ACER1: variants seen among roughly 807,000 people sequenced by gnomAD.
ACER1 encodes alkaline ceramidase 1, also known as CTB-180A7.3.
Under a neutral mutation model 24.9 loss-of-function variants are expected in ACER1, and 28 were observed. The observed-to-expected ratio is 1.13, with a 90% CI of 0.83 to 1.54. ACER1 has a LOEUF of 1.54. Among genes scored for constraint, ACER1 ranks in the 40% most tolerant of loss-of-function variants. ACER1 has a pLI of 0.00. For synonymous variants in ACER1, 132 were observed against 131.4 expected (o/e 1.00, Z -0.03); for missense variants, 352 against 349.3 (o/e 1.01, Z -0.06).
chr19:6,311,637 A>G (rs12608582), intron 3 of ACER1, among the ~76,000 whole-genome samples: 7 of 148,256 alleles, frequency 4.7e-5, no homozygotes, highest in Admixed American at 2.0e-4. Context: ...GGAGGAGAAG[A>G]AGAAGAAGAA....
At chr19:6,312,811 G>A (rs1203552322) in intron 1 of ACER1, among the ~76,000 whole-genome samples, 2 of 151,906 alleles carry the variant, frequency 1.3e-5, no homozygotes, top group African/African-American at 4.8e-5. Context: ...GAGTAGCTGG[G>A]ATTAAAGGCA....
the ACER1 span, among the ~76,000 whole-genome samples, chr19:6,358,328 G>T: frequency 6.6e-6 from 1 of 152,078 alleles, no homozygotes; most frequent in African/African-American, 2.4e-5. Flanking sequence ...GGACCTGCAA[G>T]GTATTCTCCT....
chr19:6,344,467 T>A, the ACER1 span, among the ~76,000 whole-genome samples: 10 of 151,886 alleles, frequency 6.6e-5, no homozygotes, highest in African/African-American at 2.4e-4. Flanking sequence ...TTTATTTATT[T>A]ATTAAATAAA....
chr19:6,308,482 T>C lies in ACER1; in HGVS notation c.489-1192A>G, dbSNP rs533285474. Among the ~76,000 whole-genome samples the C allele has an allele frequency of 7.9e-5, 12 of 151,710 alleles. No individual in the cohort carries two copies. In the East Asian group the frequency reaches 2.1e-3, roughly 27 times the overall value. ...ATATTAACTCAGTCCTCACAAGGAC[T>C]TTGTAGAGGAGTAAATTGAGGCACA... is the stretch of plus-strand genomic sequence containing the variant. On this transcript the variant is annotated intron_variant, in intron 4 of 5. Coordinates refer to ENST00000301452, the MANE Select transcript of ACER1 (RefSeq NM_133492.3).
chr19:6,310,111 G>A (rs887752718), intron 3 of ACER1, among the ~76,000 whole-genome samples: 5 of 151,000 alleles, frequency 3.3e-5, no homozygotes, highest in Non-Finnish European at 5.9e-5. Flanking sequence ...TTTTTGAGAC[G>A]GAGTCTCGCT....
intron 1 of ACER1, among the ~76,000 whole-genome samples, chr19:6,315,649 G>C (rs1369404333): frequency 1.3e-5 from 2 of 152,098 alleles, no homozygotes; most frequent in Non-Finnish European, 2.9e-5. Flanking sequence ...AAAGTGCTGG[G>C]ATTACAGGCT....
chr19:6,330,123 G>A (rs892451663), intron 1 of ACER1, among the ~76,000 whole-genome samples: 7 of 150,006 alleles, frequency 4.7e-5, no homozygotes, highest in African/African-American at 1.7e-4. Flanking sequence ...TGCCCGCCTC[G>A]GCCTCCCAAA....
intron 1 of ACER1, among the ~76,000 whole-genome samples, chr19:6,324,958 G>C (rs1419245858): frequency 6.6e-6 from 1 of 151,932 alleles, no homozygotes; most frequent in Non-Finnish European, 1.5e-5. Context: ...CCAGAAGAAG[G>C]CTGCACCTGG....
the ACER1 span, among the ~76,000 whole-genome samples, chr19:6,345,668 G>A: frequency 2.0e-5 from 3 of 150,950 alleles, no homozygotes; most frequent in East Asian, 1.9e-4. Flanking sequence ...GGGTTCAAGC[G>A]ATTCTCTTGC....
chr19:6,359,656 A>G, the ACER1 span, among the ~76,000 whole-genome samples: 1 of 152,244 alleles, frequency 6.6e-6, no homozygotes, highest in African/African-American at 2.4e-5. Context: ...GCCCCGGGAA[A>G]AAAAAGAAAA....
rs559869838 is a variant in ACER1 at position 6,317,472 on chromosome 19, G to A, written c.94-4973C>T. 9.6e-4 allele frequency among the ~76,000 whole-genome samples: 146 copies of A among 152,310 alleles called. 3 individuals carry two copies. The highest frequency in any genetic ancestry group is 3.2e-3 in the African/African-American group (131 of 41,566). ...TCCATGCGCCTCTTCTCAGCCCGTG[G>A]CCCTAGTTCAGTTGCCTCCATTTGT... On this transcript the variant is annotated intron_variant, in intron 1 of 5. Transcript: ENST00000301452.
intron 1 of ACER1, among the ~76,000 whole-genome samples, chr19:6,320,145 T>TAC (rs2091623000): frequency 6.7e-6 from 1 of 149,510 alleles, no homozygotes; most frequent in Admixed American, 6.7e-5. Flanking sequence ...GTTTGTTGAA[T>TAC]ACATCTCCAA....
chr19:6,315,137 C>A (rs1215942703), intron 1 of ACER1, among the ~76,000 whole-genome samples: 1 of 151,948 alleles, frequency 6.6e-6, no homozygotes, highest in Non-Finnish European at 1.5e-5. Flanking sequence ...CCCGCCTCGG[C>A]CTCCCAAAGT....
chr19:6,310,893 A>G (rs1218957821), intron 3 of ACER1, among the ~76,000 whole-genome samples: 1 of 145,244 alleles, frequency 6.9e-6, no homozygotes, highest in Non-Finnish European at 1.5e-5. Flanking sequence ...AAAAAAAAAA[A>G]GAAGAAGGAG....
At position 6,306,753 on chromosome 19, in the gene ACER1, C is replaced by T. The variant is rs747092666; in HGVS notation, c.756G>A (p.Leu252=). ...YWPRDSWPVG[L]PYVEIRGDDK... is the part of the protein sequence containing the mutation. ...CATCACCCCGGATTTCCACGTAGGG[C>T]AGCCCCACGGGCCAACTGTCCCGAG... Residue 252 remains leucine (L), a synonymous_variant, in exon 6 of 6, where the codon CTG becomes CTA. Transcript: ENST00000301452. 5.0e-6 allele frequency: 8 copies of T among 1,613,496 alleles called. No homozygotes were observed. The Admixed American group carries it at 8.3e-5, about 17-fold the overall frequency.
chr19:6,349,328 AAGAG>A, the ACER1 span, among the ~76,000 whole-genome samples: 23 of 149,634 alleles, frequency 1.5e-4, no homozygotes, highest in African/African-American at 4.9e-4. Context: ...AAAAGAAAGA[AAGAG>A]AGAGAGAGAA....
intron 1 of ACER1, among the ~76,000 whole-genome samples, chr19:6,326,675 C>T (rs978002490): frequency 6.6e-6 from 1 of 152,014 alleles, no homozygotes; most frequent in Non-Finnish European, 1.5e-5. Context: ...TCAAGCTAAC[C>T]ATGGGGCTGA....
chr19:6,350,565 C>T, the ACER1 span, among the ~76,000 whole-genome samples: 1 of 93,768 alleles, frequency 1.1e-5, no homozygotes, highest in African/African-American at 8.4e-5. Flanking sequence ...AGCAAGACTC[C>T]GTCTCAAGAA....
chr19:6,333,010 A>C (rs1250620259), intron 1 of ACER1, among the ~76,000 whole-genome samples: 1 of 152,098 alleles, frequency 6.6e-6, no homozygotes. Context: ...GGATAGTCCC[A>C]GGCACACTGG....
Sources: gnomAD v4.1 joint callset for allele counts (sites outside exome capture counted in the v4.1 genomes callset) on GRCh38, gnomAD v4.1.1 for gene constraint, MANE v1.5 for transcripts, NCBI Gene and HGNC (gene_info 2026-07-23, HGNC 2026-07-21) for gene names.